Variants in KCNH4 observed in about 807,000 individuals in gnomAD.
KCNH4 encodes the protein voltage-gated delayed rectifier potassium channel KCNH4.
Under a neutral mutation model 90.7 loss-of-function variants are expected in KCNH4, and 33 were observed. That is an observed-to-expected ratio of 0.36 (90% CI 0.28 to 0.49). KCNH4 has a LOEUF of 0.49. KCNH4 is among the 20% of genes least tolerant of loss of function. The pLI is 0.98. For missense variants in KCNH4, 1,044 were observed against 1,387.1 expected (o/e 0.75, Z 3.93); for synonymous variants, 551 against 581.7 (o/e 0.95, Z 0.76).
At chr17:42,168,540 A>C (rs959106026) in intron 9 of KCNH4, among the ~76,000 whole-genome samples, 9 of 152,108 alleles carry the variant, frequency 5.9e-5, no homozygotes, top group Admixed American at 5.9e-4. Context: ...GATACTCAGG[A>C]AGCTGAGGCA....
intron 7 of KCNH4, among the ~76,000 whole-genome samples, chr17:42,171,162 G>A (rs183503095): frequency 6.6e-6 from 1 of 152,128 alleles, no homozygotes; most frequent in Admixed American, 6.5e-5. Context: ...GTGGTTGTGG[G>A]GGGGATGAGA....
chr17:42,163,985 C>T lies in KCNH4; in HGVS notation c.2125-27G>A, dbSNP rs906243154. The T allele has an allele frequency of 3.3e-6, 5 of 1,512,566 alleles. No homozygotes were observed. The highest frequency in any genetic ancestry group is 2.8e-5 in the African/African-American group (2 of 71,880). 93.7% of individuals were successfully genotyped at this position (1,512,566 alleles called of 1,614,324 possible). A position where few individuals can be genotyped will look rare whatever the true frequency, so the allele number is the denominator to read the frequency against. ...TGCGGGCAGAGGGGGCAGCTGATGT[C>T]GCAGGACAGTGAACAACAGACCCCT... On this transcript the variant is annotated intron_variant, in intron 12 of 16. Coordinates refer to ENST00000264661, the MANE Select transcript of KCNH4 (RefSeq NM_012285.3). The surrounding 1 kb of genome is among the most constrained non-coding windows in gnomAD (Gnocchi z 5.4).
chr17:42,163,825 CG>C lies in KCNH4; in HGVS notation c.2257del (p.Arg753GlyfsTer75). The C allele has an allele frequency of 6.6e-7, 1 of 1,517,218 alleles. No homozygotes were observed. The highest frequency in any genetic ancestry group is 8.8e-7 in the Non-Finnish European group (1 of 1,133,090). The allele number at this position is 1,517,218 out of a possible 1,614,324, so 94.0% of individuals were successfully genotyped here. A position where few individuals can be genotyped will look rare whatever the true frequency, so the allele number is the denominator to read the frequency against. Reference sequence around the variant, plus strand: ...AAGGCTGACCAGGGAGCCCCGAGGCCGTGCTGGGCTGAGGTTGGGCAGCAGG... The same window carrying C: ...AAGGCTGACCAGGGAGCCCCGAGGCCTGCTGGGCTGAGGTTGGGCAGCAGG... ...PLLLPNLSPA[R>X]PRGSLVSLLG... On this transcript the variant is annotated frameshift_variant, in exon 13 of 17. Transcript: ENST00000264661. LOFTEE classifies it high-confidence loss of function. The surrounding 1 kb of genome is among the most constrained non-coding windows in gnomAD (Gnocchi z 5.4).
At chr17:42,177,470 A>T (rs572807898) in intron 4 of KCNH4, among the ~76,000 whole-genome samples, 41 of 151,798 alleles carry the variant, frequency 2.7e-4, no homozygotes, top group African/African-American at 9.9e-4. Flanking sequence ...AAGTGCTGGG[A>T]TTACAGGCAT....
intron 6 of KCNH4, among the ~76,000 whole-genome samples, chr17:42,175,020 C>T (rs940606015): frequency 6.6e-6 from 1 of 152,192 alleles, no homozygotes; most frequent in African/African-American, 2.4e-5. Flanking sequence ...TTCCCAGGTG[C>T]TGGCCAGACT....
Position 42,165,491 on chromosome 17 carries a change from G to A in KCNH4, c.2043C>T (p.Pro681=), listed in dbSNP as rs1470561361. 1.2e-6 allele frequency: 2 copies of A among 1,614,016 alleles called. No homozygotes were observed. Among genetic ancestry groups the A allele is most frequent in the African/African-American group, 2.7e-5 (2 of 74,918 alleles). ...GGCGCAGGTTGAAGGTGAGGTCCCG[G>A]GGCAGGCCAGCCCGGAAGGCAGCCC... is the stretch of plus-strand genomic sequence containing the variant. ...EYGAAFRAGL[P]RDLTFNLRQG... Residue 681 remains proline, a synonymous_variant, in exon 11 of 17, where the codon CCC becomes CCT. Coordinates refer to ENST00000264661, the MANE Select transcript of KCNH4 (RefSeq NM_012285.3).
rs771423563 is a variant in KCNH4 at position 42,169,608 on chromosome 17, G to A, written c.1459C>T (p.Leu487Phe). Residue 487 changes from leucine (L) to phenylalanine (F), a missense_variant, in exon 9 of 17, where the codon CTC (leucine) becomes TTC (phenylalanine). This residue lies in a region of KCNH4 where 318 missense variants were observed against 479.6 expected (regional missense o/e 0.66). Transcript: ENST00000264661. ...IIQRMYSRRS[L>F]YHSRMKDLKD... ...AGGTCCTTCATGCGGCTGTGGTAGA[G>A]CGAGCGGCGCGAGTACATGCGCTGG... 3.1e-6 allele frequency: 5 copies of A among 1,613,904 alleles called. No individual in the cohort carries two copies. The highest frequency in any genetic ancestry group is 2.2e-5 in the East Asian group (1 of 44,898).
intron 6 of KCNH4, among the ~76,000 whole-genome samples, chr17:42,174,559 C>T (rs1359798318): frequency 6.6e-6 from 1 of 152,156 alleles, no homozygotes; most frequent in African/African-American, 2.4e-5. Flanking sequence ...GGAGAGGAGG[C>T]CCACAGCCCG....
rs1467231947 is a variant in KCNH4 at position 42,163,740 on chromosome 17, G to T, written c.2343C>A (p.Ser781=). The change falls in exon 13 of 17, where the codon TCC becomes TCA. Residue 781 remains serine (S), a synonymous_variant. Coordinates refer to ENST00000264661, the MANE Select transcript of KCNH4 (RefSeq NM_012285.3). This position sits in a 1 kb window ranked among gnomAD's most constrained non-coding sequence, Gnocchi z 5.4. The part of the protein sequence containing the change: ...ALVSSPSLSP[S]LSPALAGQGH... ...CCTGGCCAGCCAGGGCAGGGGACAG[G>T]GATGGGGATAAGGAAGGAGAGGAGA... The T allele has an allele frequency of 6.4e-7, 1 of 1,558,552 alleles. No homozygotes were observed. The highest frequency in any genetic ancestry group is 1.4e-5 in the African/African-American group (1 of 72,964).
intron 16 of KCNH4, among the ~76,000 whole-genome samples, chr17:42,158,904 A>G (rs934989229): frequency 6.6e-6 from 1 of 151,946 alleles, no homozygotes; most frequent in Non-Finnish European, 1.5e-5. Flanking sequence ...GGTGGATCTC[A>G]AACTCATGGA....
rs1337305027 is a variant in KCNH4, at chr17:42,166,551, A to G, written c.1591-5T>C. The G allele has an allele frequency of 1.2e-6, 2 of 1,608,988 alleles. No homozygotes were observed. Among genetic ancestry groups the G allele is most frequent in the South Asian group, 1.1e-5 (1 of 90,902 alleles). On this transcript the variant is annotated splice_polypyrimidine_tract_variant and splice_region_variant and intron_variant, in intron 9 of 16. Transcript: ENST00000264661. ...GTCTGGGAAGTCACGCAGTAACTGCATAAGGGGCATAGGTCATTCTGGCCA... is the reference window on the plus strand; with the variant it reads ...GTCTGGGAAGTCACGCAGTAACTGCGTAAGGGGCATAGGTCATTCTGGCCA...
At position 42,180,176 on chromosome 17, in the gene KCNH4, C is replaced by T. The variant is rs1008618589; in HGVS notation, c.76+694G>A. On this transcript the variant is annotated intron_variant, in intron 1 of 16. Transcript: ENST00000264661. This position sits in a 1 kb window ranked among gnomAD's most constrained non-coding sequence, Gnocchi z 4.7. ...GCTCCCCCACCATCCAGATCCCGGCCAGGGTTCCCGAGGGAATGGCGGGGT... is the reference window on the plus strand; with the variant it reads ...GCTCCCCCACCATCCAGATCCCGGCTAGGGTTCCCGAGGGAATGGCGGGGT... 1.3e-5 allele frequency among the ~76,000 whole-genome samples: 2 copies of T among 152,176 alleles called. No individual in the cohort carries two copies. Among genetic ancestry groups the T allele is most frequent in the African/African-American group, 4.8e-5 (2 of 41,446 alleles).
chr17:42,177,387 AG>A (rs1356662387), intron 4 of KCNH4, among the ~76,000 whole-genome samples: 144 of 147,104 alleles, frequency 9.8e-4, no homozygotes, highest in African/African-American at 3.6e-3. Flanking sequence ...TTTTTAGAAA[AG>A]GGGTCTCACT....
rs377595778 is a variant in KCNH4, at chr17:42,160,380, A to T, written c.2714T>A (p.Met905Lys). 1.9e-6 allele frequency: 3 copies of T among 1,613,284 alleles called. No homozygotes were observed. Among genetic ancestry groups the T allele is most frequent in the East Asian group, 4.5e-5 (2 of 44,836 alleles). The change falls in exon 16 of 17, where the codon ATG becomes AAG. Residue 905 changes from methionine (M) to lysine (K), a missense_variant. Physicochemically the swap from Met to Lys is moderately conservative, Grantham distance 95. Around this residue, in one of 4 missense-constraint regions of KCNH4, gnomAD observed 441 missense variants for 512.3 expected, o/e 0.86. Transcript: ENST00000264661. ...SQLSRELRHIMGLLQARLGPP... is the reference protein window; with the variant it reads ...SQLSRELRHIKGLLQARLGPP... ...ACCCAGCCTGGCCTGCAGCAGGCCC[A>T]TGATGTGCCGCAGCTCCCGGCTAAG...
chr17:42,178,709 C>G, intron 2 of KCNH4, 84 bp downstream of exon 2: 1 of 1,276,364 alleles, frequency 7.8e-7, no homozygotes, highest in Non-Finnish European at 1.1e-6. Context: ...TGGGGACAAG[C>G]ACTCAGACTC....
In KCNH4 at chr17:42,169,498, G is replaced by A. The variant is rs1476245428; in HGVS notation, c.1569C>T (p.Asn523=). The A allele has an allele frequency of 1.9e-6, 3 of 1,613,010 alleles. No individual in the cohort carries two copies. The highest frequency in any genetic ancestry group is 2.5e-6 in the Non-Finnish European group (3 of 1,180,010). The change falls in exon 9 of 17, where the codon AAC becomes AAT. Residue 523 remains asparagine, a synonymous_variant. Coordinates refer to ENST00000264661, the MANE Select transcript of KCNH4 (RefSeq NM_012285.3). ...CTACCTCGTTGGCGTCGATGCCGCTGTTGACGGCCCACGTGGTCTGGAAGT... is the reference window on the plus strand; with the variant it reads ...CTACCTCGTTGGCGTCGATGCCGCTATTGACGGCCCACGTGGTCTGGAAGT... ...LEYFQTTWAV[N]SGIDANELLR... is the part of the protein sequence containing the mutation.
intron 6 of KCNH4, 48 bp downstream of exon 6, chr17:42,175,531 T>C: frequency 6.2e-7 from 1 of 1,608,906 alleles, no homozygotes; most frequent in Non-Finnish European, 8.5e-7. Flanking sequence ...GAAGATGCTG[T>C]GCTGAAGTTG....
At chr17:42,168,435 A>G (rs886718259) in intron 9 of KCNH4, among the ~76,000 whole-genome samples, 1 of 152,162 alleles carries the variant, frequency 6.6e-6, no homozygotes, top group Admixed American at 6.5e-5. Flanking sequence ...TACGATGTCA[A>G]GAGTTCGAGA....
chr17:42,177,952 T>C, intron 4 of KCNH4, 148 bp downstream of exon 4: 1 of 900,672 alleles, frequency 1.1e-6, no homozygotes. Context: ...GCATATACCA[T>C]ATAGAGTAGT....
Sources: gnomAD v4.1 joint callset for allele counts (sites outside exome capture counted in the v4.1 genomes callset) on GRCh38, gnomAD v4.1.1 for gene constraint, gnomAD v4.1.1 regional missense constraint, Gnocchi (gnomAD v3.1) non-coding constraint, MANE v1.5 for transcripts, NCBI Gene and HGNC (gene_info 2026-07-23, HGNC 2026-07-21) for gene names.